Variants in CCDC80 observed in about 807,000 individuals in gnomAD.
CCDC80 encodes the protein coiled-coil domain containing 80, also known as coiled-coil domain-containing protein 80.
In CCDC80, 49 loss-of-function variants were observed where a neutral mutation model predicts 78.7. The ratio of observed to expected loss-of-function variants is 0.62; its 90% confidence interval spans 0.50 to 0.79. The LOEUF (loss-of-function observed/expected upper bound fraction) is 0.79, where lower values mean the gene tolerates loss of function less well. Among genes scored for constraint, CCDC80 ranks in the 30% least tolerant of loss-of-function variants. The pLI is 0.00. For missense variants in CCDC80, 1,205 were observed against 1,198.6 expected (o/e 1.01, Z -0.08); for synonymous variants, 488 against 447.0 (o/e 1.09, Z -1.16).
At position 112,609,104 on chromosome 3, in the gene CCDC80, C is replaced by T. The variant is rs186751854; in HGVS notation, c.2425+874G>A. Among the ~76,000 whole-genome samples the T allele has an allele frequency of 2.0e-5, 3 of 148,698 alleles. No individual in the cohort carries two copies. In the East Asian group the frequency reaches 5.9e-4, roughly 29 times the overall value. On this transcript the variant is annotated intron_variant, in intron 6 of 7. Transcript: ENST00000206423. The stretch of plus-strand genomic sequence containing the variant: ...CTACTTCCCCCTGCCCCTGCCCCTG[C>T]CCAGTGAATCTCTCAAAATTCTTCT...
At chr3:112,624,925 G>A (rs1935935868) in intron 3 of CCDC80, among the ~76,000 whole-genome samples, 1 of 152,062 alleles carries the variant, frequency 6.6e-6, no homozygotes, top group South Asian at 2.1e-4. Context: ...AAACCTAATA[G>A]CAAATCAGAA....
At chr3:112,637,992 A>G in intron 2 of CCDC80, 36 bp downstream of exon 2, 1 of 1,560,434 alleles carries the variant, frequency 6.4e-7, no homozygotes, top group Non-Finnish European at 8.6e-7. Context: ...GCCCTGCCTC[A>G]GCCCATAGAA....
chr3:112,639,031 G>T lies in CCDC80; in HGVS notation c.875C>A (p.Ala292Glu), dbSNP rs780582420. The change falls in exon 2 of 8, where the codon GCG (alanine) becomes GAG (glutamate). Residue 292 changes from alanine (A) to glutamate (E), a missense_variant. Physicochemically the swap from Ala to Glu is moderately radical, Grantham distance 107. Transcript: ENST00000206423. ...TCCCCCTCCACCGTCATTCCCCTCC[G>T]CCACCACCTGGCCCTCTACACCAGA... The part of the protein sequence containing the change: ...KASGVEGQVV[A>E]EGNDGGGGAG... The T allele has an allele frequency of 4.3e-6, 7 of 1,609,658 alleles. No individual in the cohort carries two copies. The highest frequency in any genetic ancestry group is 5.9e-6 in the Non-Finnish European group (7 of 1,179,492).
rs1312010830 is a variant in CCDC80 at position 112,640,923 on chromosome 3, C to T, written c.-608G>A. On this transcript the variant is annotated 5_prime_UTR_variant, in exon 1 of 8. Coordinates refer to ENST00000206423, the MANE Select transcript of CCDC80 (RefSeq NM_199511.3). ...TCTCTCCTCCCTTTATTTCTCCCTA[C>T]CTTTTTCCTCCTCTTTTTCTTCTTC... is the stretch of plus-strand genomic sequence containing the variant. The T allele has an allele frequency of 6.6e-6, 1 of 152,216 alleles. No homozygotes were observed. Among genetic ancestry groups the T allele is most frequent in the East Asian group, 1.9e-4 (1 of 5,194 alleles). The allele number at this position is 152,216 out of a possible 1,614,324, so 9.4% of individuals were successfully genotyped here.
Position 112,600,836 on chromosome 3 carries a change from C to G in CCDC80, c.*4581G>C, listed in dbSNP as rs2705517. 0.24 allele frequency: 36,990 copies of G among 152,052 alleles called. 8,622 individuals are homozygous for G. Among genetic ancestry groups the G allele is most frequent in the African/African-American group, 0.6 (24,933 of 41,404 alleles). The allele number at this position is 152,052 out of a possible 1,614,324, so 9.4% of individuals were successfully genotyped here. ...TCATTATTATATTTCCTGAAGTTGA[C>G]ATGATTTGGGTCCTTTACTTAGAAA... On this transcript the variant is annotated 3_prime_UTR_variant, in exon 8 of 8. Transcript: ENST00000206423.
At chr3:112,618,758 T>C (rs1352661520) in intron 4 of CCDC80, among the ~76,000 whole-genome samples, 1 of 152,212 alleles carries the variant, frequency 6.6e-6, no homozygotes, top group African/African-American at 2.4e-5. Flanking sequence ...AGCTGGGCTG[T>C]GGGAAGTCAC....
intron 3 of CCDC80, among the ~76,000 whole-genome samples, chr3:112,625,780 G>C (rs1935957047): frequency 6.6e-6 from 1 of 152,134 alleles, no homozygotes; most frequent in African/African-American, 2.4e-5. Context: ...GGGAGTAGCA[G>C]GGTAAAGGGG....
chr3:112,629,967 C>T (rs1401071555), intron 3 of CCDC80, 146 bp downstream of exon 3: 9 of 706,082 alleles, frequency 1.3e-5, no homozygotes, highest in Non-Finnish European at 1.8e-5. Context: ...TTTAAATAAG[C>T]AGGCAAACTG....
At chr3:112,626,703 A>G (rs1236423997) in intron 3 of CCDC80, among the ~76,000 whole-genome samples, 1 of 152,090 alleles carries the variant, frequency 6.6e-6, no homozygotes, top group Non-Finnish European at 1.5e-5. Context: ...ATCTGCCACC[A>G]TGCCCAGCTA....
chr3:112,606,312 C>G (rs1935494684), intron 7 of CCDC80, among the ~76,000 whole-genome samples: 1 of 152,246 alleles, frequency 6.6e-6, no homozygotes, highest in South Asian at 2.1e-4. Context: ...GGCATTCTGC[C>G]AAGTATTTTA....
At chr3:112,629,203 A>T (rs1435950729) in intron 3 of CCDC80, among the ~76,000 whole-genome samples, 1 of 152,048 alleles carries the variant, frequency 6.6e-6, no homozygotes, top group Non-Finnish European at 1.5e-5. Flanking sequence ...TATTCTTTCA[A>T]GTGCTTTTAG....
rs762410522 is a variant in CCDC80, at chr3:112,639,533, C to G, written c.373G>C (p.Ala125Pro). 3.0e-5 allele frequency: 48 copies of G among 1,614,166 alleles called. 1 individual carries two copies. The South Asian group carries it at 4.9e-4, about 17-fold the overall frequency. ...REMIRDEGSS[A>P]RSRMLRFPSG... Reference sequence around the variant, plus strand: ...GGGAAACGCAACATTCTTGACCGAGCTGAGGACCCCTCATCTCTGATCATC... The same window carrying G: ...GGGAAACGCAACATTCTTGACCGAGGTGAGGACCCCTCATCTCTGATCATC... The change falls in exon 2 of 8, where the codon GCT becomes CCT. Residue 125 changes from alanine (A) to proline (P), a missense_variant. By Grantham distance (27) the Ala-to-Pro change is conservative. Coordinates refer to ENST00000206423, the MANE Select transcript of CCDC80 (RefSeq NM_199511.3).
rs112128495 is a variant in CCDC80, at chr3:112,598,064, A to G, written c.*7353T>C. The G allele has an allele frequency of 3.3e-5, 5 of 152,332 alleles. No homozygotes were observed. The highest frequency in any genetic ancestry group is 2.1e-4 in the South Asian group (1 of 4,824). The allele number at this position is 152,332 out of a possible 1,614,324, so 9.4% of individuals were successfully genotyped here. ...ATCAAATGGTTCTTTCTTTGCACAT[A>G]TCAAGGCTTTCGACTATTCCCAACC... On this transcript the variant is annotated 3_prime_UTR_variant, in exon 8 of 8. Coordinates refer to ENST00000206423, the MANE Select transcript of CCDC80 (RefSeq NM_199511.3).
intron 6 of CCDC80, among the ~76,000 whole-genome samples, chr3:112,609,356 C>CA (rs1935575753): frequency 6.6e-6 from 1 of 152,114 alleles, no homozygotes; most frequent in Non-Finnish European, 1.5e-5. Flanking sequence ...CGATTCACTA[C>CA]AAAAAACAGT....
In CCDC80 at chr3:112,603,035, G is replaced by A. The variant is rs1935402443; in HGVS notation, c.*2382C>T. On this transcript the variant is annotated 3_prime_UTR_variant, in exon 8 of 8. Coordinates refer to ENST00000206423, the MANE Select transcript of CCDC80 (RefSeq NM_199511.3). ...AAGTTAACGCAGCTGGTGATTTTAA[G>A]TTGAAATCAATGCTCATTTACCATT... 6.6e-6 allele frequency: 1 copy of A among 152,156 alleles called. No individual in the cohort carries two copies. Among genetic ancestry groups the A allele is most frequent in the Non-Finnish European group, 1.5e-5 (1 of 68,040 alleles). 9.4% of individuals were successfully genotyped at this position (152,156 alleles called of 1,614,324 possible).
rs1271570281 is a variant in CCDC80 at position 112,638,946 on chromosome 3, G to A, written c.960C>T (p.Val320=). Residue 320 remains valine (V), a synonymous_variant, in exon 2 of 8, where the codon GTC becomes GTT. Transcript: ENST00000206423. ...KKKEDPRRAQ[V]PPTRESRVKV... is the part of the protein sequence containing the mutation. ...TCACCCGACTCTCTCTGGTTGGTGG[G>A]ACTTGTGCTCTCCTTGGGTCCTCTT... 9 of 1,613,112 alleles carry A rather than the reference G, an allele frequency of 5.6e-6. No homozygotes were observed. Among genetic ancestry groups the A allele is most frequent in the Non-Finnish European group, 7.6e-6 (9 of 1,179,990 alleles).
At position 112,638,329 on chromosome 3, in the gene CCDC80, A is replaced by T. The variant is rs753317240; in HGVS notation, c.1577T>A (p.Val526Glu). 3.1e-6 allele frequency: 5 copies of T among 1,613,862 alleles called. No individual in the cohort carries two copies. Among genetic ancestry groups the T allele is most frequent in the Middle Eastern group, 1.6e-4 (1 of 6,084 alleles). Residue 526 changes from valine (V) to glutamate (E), a missense_variant, in exon 2 of 8, where the codon GTG becomes GAG. Physicochemically the swap from Val to Glu is moderately radical, Grantham distance 121. Coordinates refer to ENST00000206423, the MANE Select transcript of CCDC80 (RefSeq NM_199511.3). ...TGCTTTTTTAAGGGGAACATTCCCC[A>T]CCTGCAGCTCGTCCTCCAGCTGAGA... is the stretch of plus-strand genomic sequence containing the variant. ...TASQLEDELQ[V>E]GNVPLKKAKE...
chr3:112,621,594 GA>G (rs1427618965), intron 3 of CCDC80, among the ~76,000 whole-genome samples: 2 of 152,180 alleles, frequency 1.3e-5, no homozygotes, highest in African/African-American at 2.4e-5. Context: ...ATAGAAAACT[GA>G]ATATAGACAT....
chr3:112,639,152 C>T lies in CCDC80; in HGVS notation c.754G>A (p.Val252Ile), dbSNP rs775543007. Residue 252 changes from valine to isoleucine, a missense_variant, in exon 2 of 8, where the codon GTT (valine) becomes ATT (isoleucine). Physicochemically the swap from Val to Ile is conservative, Grantham distance 29. Transcript: ENST00000206423. ...ACCTCGTACATGGCTTCCAGCCTAA[C>T]GGGATATGGATAGCGCTCCTCCACC... is the stretch of plus-strand genomic sequence containing the variant. Reference protein sequence around the residue: ...LQVEERYPYPVRLEAMYEVID... With the variant: ...LQVEERYPYPIRLEAMYEVID... The T allele has an allele frequency of 1.1e-5, 17 of 1,614,038 alleles. 1 individual carries two copies. Among genetic ancestry groups the T allele is most frequent in the Non-Finnish European group, 1.4e-5 (16 of 1,180,030 alleles).
Sources: allele counts gnomAD v4.1 joint callset (sites outside exome capture counted in the v4.1 genomes callset), GRCh38; gene constraint gnomAD v4.1.1; transcripts MANE v1.5; gene names NCBI Gene and HGNC (gene_info 2026-07-23, HGNC 2026-07-21).